The following QTRT1 variants were observed in gnomAD, a reference collection of about 807,000 sequenced individuals.
QTRT1 encodes queuine tRNA-ribosyltransferase catalytic subunit 1, also known as TGT, 43-KD subunit.
Under a neutral mutation model 44.0 loss-of-function variants are expected in QTRT1, and 41 were observed. The observed-to-expected ratio is 0.93, with a 90% CI of 0.73 to 1.21. The LOEUF (loss-of-function observed/expected upper bound fraction) is 1.21. Ranked by LOEUF, QTRT1 falls within the 50% of genes most tolerant of loss-of-function variation. The pLI is 0.00. For missense variants in QTRT1, 542 were observed against 575.8 expected (o/e 0.94, Z 0.60); for synonymous variants, 226 against 237.1 (o/e 0.95, Z 0.43).
In QTRT1 at chr19:10,712,889, G is replaced by C. The variant is rs367923569; in HGVS notation, c.971+22G>C. 84 of 1,613,042 alleles carry C rather than the reference G, an allele frequency of 5.2e-5. No homozygotes were observed. The African/African-American group carries it at 1.0e-3, about 20-fold the overall frequency. On this transcript the variant is annotated intron_variant, in intron 8 of 9. Coordinates refer to ENST00000250237, the MANE Select transcript of QTRT1 (RefSeq NM_031209.3). This position sits in a 1 kb window ranked among gnomAD's most constrained non-coding sequence, Gnocchi z 5.6. ...AAAAGTAGGCAGGATGGCACTGGGA[G>C]CTGGGGCAGGGCATGGAGGGGACAG...
At chr19:10,703,765 C>T (rs934300966) in intron 3 of QTRT1, among the ~76,000 whole-genome samples, 1 of 151,878 alleles carries the variant, frequency 6.6e-6, no homozygotes, top group Admixed American at 6.6e-5. Flanking sequence ...GTGATCTGCC[C>T]ATCTTGGTCC....
chr19:10,703,927 C>T (rs2145618664), intron 3 of QTRT1, among the ~76,000 whole-genome samples: 1 of 151,302 alleles, frequency 6.6e-6, no homozygotes, highest in Admixed American at 6.6e-5. Context: ...GTCACTGCAA[C>T]CTCTGCCTCC....
rs2068689181 is a variant in QTRT1 at position 10,701,618 on chromosome 19, C to G, written c.158C>G (p.Thr53Ser). The G allele has an allele frequency of 6.2e-7, 1 of 1,605,590 alleles. No homozygotes were observed. Among genetic ancestry groups the G allele is most frequent in the Admixed American group, 1.7e-5 (1 of 59,092 alleles). ...PVFMPVGTQA[T>S]MKGITTEQLD... ...TTCATGCCAGTGGGCACGCAGGCCA[C>G]CATGAAGGGCATCACGACCGAACAG... Residue 53 changes from threonine (T) to serine (S), a missense_variant, in exon 1 of 10, where the codon ACC (threonine) becomes AGC (serine). Physicochemically the swap from Thr to Ser is moderately conservative, Grantham distance 58 (BLOSUM62 1). Coordinates refer to ENST00000250237, the MANE Select transcript of QTRT1 (RefSeq NM_031209.3).
Position 10,712,936 on chromosome 19 carries a change from C to T in QTRT1, c.972-17C>T, listed in dbSNP as rs966873207. On this transcript the variant is annotated splice_polypyrimidine_tract_variant and intron_variant, in intron 8 of 9. Transcript: ENST00000250237. The surrounding 1 kb of genome is among the most constrained non-coding windows in gnomAD (Gnocchi z 5.6). ...ACAGGGCCTGGCCGTGCTGAGCTGT[C>T]CCCTGCCGCTCTACAGGCACAGCCG... 6.2e-7 allele frequency: 1 copy of T among 1,613,060 alleles called. No individual in the cohort carries two copies.
Position 10,712,266 on chromosome 19 carries a change from C to T in QTRT1, c.752C>T (p.Pro251Leu), listed in dbSNP as rs369146285. 9 of 1,613,692 alleles carry T rather than the reference C, an allele frequency of 5.6e-6. No individual in the cohort carries two copies. The highest frequency in any genetic ancestry group is 1.3e-5 in the African/African-American group (1 of 74,938). The change falls in exon 6 of 10, where the codon CCG becomes CTG. Residue 251 changes from proline to leucine, a missense_variant. Physicochemically the swap from Pro to Leu is moderately conservative, Grantham distance 98. Coordinates refer to ENST00000250237, the MANE Select transcript of QTRT1 (RefSeq NM_031209.3). The surrounding 1 kb of genome is among the most constrained non-coding windows in gnomAD (Gnocchi z 5.6). The part of the protein sequence containing the change: ...RMVALSTSRL[P>L]KDKPRYLMGV... ...GTGGCGCTGAGCACCTCTCGGCTGC[C>T]GAAGGACAAGCCCCGATATCTGATG...
In QTRT1 at chr19:10,702,026, G is replaced by A; in HGVS notation, c.312+8G>A. On this transcript the variant is annotated splice_region_variant and intron_variant, in intron 2 of 9. Coordinates refer to ENST00000250237, the MANE Select transcript of QTRT1 (RefSeq NM_031209.3). ...CCTCATAATCTGCTAACGGTGAGCT[G>A]AGGAGAGAGCCGACGTTCTAGGGCC... The A allele has an allele frequency of 8.1e-6, 13 of 1,614,202 alleles. No homozygotes were observed. The highest frequency in any genetic ancestry group is 1.1e-5 in the Non-Finnish European group (13 of 1,180,034).
chr19:10,709,556 A>T (rs1433570369), intron 5 of QTRT1, among the ~76,000 whole-genome samples: 1 of 152,210 alleles, frequency 6.6e-6, no homozygotes, highest in Non-Finnish European at 1.5e-5. Flanking sequence ...TACTAAAAAT[A>T]CAAAAATTAG....
intron 3 of QTRT1, among the ~76,000 whole-genome samples, chr19:10,706,262 G>A (rs1436412392): frequency 6.6e-6 from 1 of 151,858 alleles, no homozygotes; most frequent in Non-Finnish European, 1.5e-5. Flanking sequence ...CTGGGCTCTA[G>A]TGATCCTTCC....
intron 5 of QTRT1, among the ~76,000 whole-genome samples, chr19:10,708,496 G>A (rs1316226156): frequency 4.6e-5 from 7 of 152,182 alleles, no homozygotes; most frequent in South Asian, 2.1e-4. Flanking sequence ...ACAACAACCC[G>A]TGCGTCATCA....
At position 10,712,580 on chromosome 19, in the gene QTRT1, G is replaced by A. The variant is rs756322137; in HGVS notation, c.813G>A (p.Val271=). Residue 271 remains valine (V), a synonymous_variant, in exon 7 of 10, where the codon GTG becomes GTA. Coordinates refer to ENST00000250237, the MANE Select transcript of QTRT1 (RefSeq NM_031209.3). This position sits in a 1 kb window ranked among gnomAD's most constrained non-coding sequence, Gnocchi z 5.6. ...VGYATDLVVC[V]ALGCDMFDCV... ...ATGCCACTGATCTGGTAGTCTGCGTGGCTCTTGGATGTGACATGTTCGACT... is the reference window on the plus strand; with the variant it reads ...ATGCCACTGATCTGGTAGTCTGCGTAGCTCTTGGATGTGACATGTTCGACT... 8 of 1,613,940 alleles carry A rather than the reference G, an allele frequency of 5.0e-6. No homozygotes were observed. The highest frequency in any genetic ancestry group is 1.3e-5 in the African/African-American group (1 of 75,004).
At position 10,713,237 on chromosome 19, in the gene QTRT1, C is replaced by A; in HGVS notation, c.1179C>A (p.Asp393Glu). 1 of 1,599,566 alleles carries A rather than the reference C, an allele frequency of 6.3e-7. No individual in the cohort carries two copies. Among genetic ancestry groups the A allele is most frequent in the Non-Finnish European group, 8.5e-7 (1 of 1,172,766 alleles). ...DPTLCPTWAT[D>E]ALASVGITLG Reference sequence around the variant, plus strand: ...CCCTCTGTCCCACCTGGGCCACTGACGCTCTGGCCTCTGTGGGAATCACAC... The same window carrying A: ...CCCTCTGTCCCACCTGGGCCACTGAAGCTCTGGCCTCTGTGGGAATCACAC... The change falls in exon 10 of 10, where the codon GAC (aspartate) becomes GAA (glutamate). Residue 393 changes from aspartate to glutamate, a missense_variant. Transcript: ENST00000250237. The surrounding 1 kb of genome is among the most constrained non-coding windows in gnomAD (Gnocchi z 4.3).
intron 5 of QTRT1, chr19:10,711,471 CT>C (rs970941546): frequency 1.4e-5 from 2 of 144,416 alleles, no homozygotes; most frequent in South Asian, 2.2e-4. Context: ...GCGCCCGGCC[CT>C]TTTTTTTGAG....
Position 10,713,254 on chromosome 19 carries a change from G to C in QTRT1, c.1196G>C (p.Gly399Ala). 6.3e-7 allele frequency: 1 copy of C among 1,591,456 alleles called. No individual in the cohort carries two copies. The highest frequency in any genetic ancestry group is 8.6e-7 in the Non-Finnish European group (1 of 1,168,852). ...TWATDALASV[G>A]ITLG ...GCCACTGACGCTCTGGCCTCTGTGG[G>C]AATCACACTGGGCTGACCTGGCATT... The change falls in exon 10 of 10, where the codon GGA becomes GCA. Residue 399 changes from glycine to alanine, a missense_variant. Physicochemically the swap from Gly to Ala is moderately conservative, Grantham distance 60 (BLOSUM62 0). Coordinates refer to ENST00000250237, the MANE Select transcript of QTRT1 (RefSeq NM_031209.3). The surrounding 1 kb of genome is among the most constrained non-coding windows in gnomAD (Gnocchi z 4.3).
At chr19:10,705,698 G>A (rs2068710256) in intron 3 of QTRT1, among the ~76,000 whole-genome samples, 4 of 151,522 alleles carry the variant, frequency 2.6e-5, no homozygotes, top group Admixed American at 6.6e-5. Flanking sequence ...ACCATGCCGG[G>A]CTAATTTTTG....
chr19:10,712,709 G>T lies in QTRT1; in HGVS notation c.862-49G>T. 8.1e-7 allele frequency: 1 copy of T among 1,236,402 alleles called. No individual in the cohort carries two copies. Among genetic ancestry groups the T allele is most frequent in the Non-Finnish European group, 1.2e-6 (1 of 838,778 alleles). The allele number at this position is 1,236,402 out of a possible 1,614,324, so 76.6% of individuals were successfully genotyped here. A position where few individuals can be genotyped will look rare whatever the true frequency, so the allele number is the denominator to read the frequency against. On this transcript the variant is annotated intron_variant, in intron 7 of 9. Transcript: ENST00000250237. The surrounding 1 kb of genome is among the most constrained non-coding windows in gnomAD (Gnocchi z 5.6). The stretch of plus-strand genomic sequence containing the variant: ...CAAGGTTAGGGGTGGGGGGTGGGGA[G>T]AATGAAGCCCTGGGTGACGCCCCTT...
Position 10,712,586 on chromosome 19 carries a change from T to C in QTRT1, c.819T>C (p.Leu273=), listed in dbSNP as rs778591627. 6.8e-6 allele frequency: 11 copies of C among 1,610,776 alleles called. No homozygotes were observed. In the East Asian group the frequency reaches 2.0e-4, roughly 30 times the overall value. The change falls in exon 7 of 10, where the codon CTT becomes CTC. Residue 273 remains leucine (L), a synonymous_variant. Coordinates refer to ENST00000250237, the MANE Select transcript of QTRT1 (RefSeq NM_031209.3). This position sits in a 1 kb window ranked among gnomAD's most constrained non-coding sequence, Gnocchi z 5.6. ...CTGATCTGGTAGTCTGCGTGGCTCT[T>C]GGATGTGACATGTTCGACTGCGTCT... ...YATDLVVCVA[L]GCDMFDCVFP...
chr19:10,702,763 T>C (rs1481707605), intron 3 of QTRT1, among the ~76,000 whole-genome samples: 2 of 128,432 alleles, frequency 1.6e-5, no homozygotes, highest in African/African-American at 6.8e-5. Context: ...ATCCTTCTTT[T>C]TTTTTTTTTT....
At chr19:10,702,936 A>G (rs1049406416) in intron 3 of QTRT1, among the ~76,000 whole-genome samples, 2 of 148,808 alleles carry the variant, frequency 1.3e-5, no homozygotes, top group African/African-American at 5.0e-5. Context: ...CACCTGGCTA[A>G]TTTTGTATTT....
intron 3 of QTRT1, among the ~76,000 whole-genome samples, chr19:10,705,523 G>C (rs2145620025): frequency 6.6e-6 from 1 of 152,114 alleles, no homozygotes; most frequent in African/African-American, 2.4e-5. Flanking sequence ...ACAGGCGTGA[G>C]TCACCACGCC....
Sources: allele counts gnomAD v4.1 joint callset (sites outside exome capture counted in the v4.1 genomes callset), GRCh38; gene constraint gnomAD v4.1.1; non-coding constraint Gnocchi (gnomAD v3.1); transcripts MANE v1.5; gene names NCBI Gene and HGNC (gene_info 2026-07-23, HGNC 2026-07-21).